RGS8: variants seen among roughly 807,000 people sequenced by gnomAD.
RGS8 encodes regulator of G-protein signaling 8.
Under a neutral mutation model 21.7 loss-of-function variants are expected in RGS8, and 8 were observed. The ratio of observed to expected loss-of-function variants is 0.37; its 90% CI spans 0.22 to 0.66. RGS8 has a LOEUF of 0.66. Among genes scored for constraint, RGS8 ranks in the 30% least tolerant of loss-of-function variants. The pLI is 0.59. For missense variants in RGS8, 157 were observed against 217.9 expected, an observed-to-expected ratio of 0.72 and a Z score of 1.76; for synonymous variants, 80 against 83.6, an observed-to-expected ratio of 0.96 and a Z score of 0.24.
the RGS8 span, among the ~76,000 whole-genome samples, chr1:182,750,769 GAC>G: frequency 1.1e-4 from 3 of 28,402 alleles, no homozygotes; most frequent in Admixed American, 9.3e-4. Context: ...TTACTATCTA[GAC>G]TCTAGATACT....
chr1:182,648,516 C>T (rs1186680279), intron 5 of RGS8, among the ~76,000 whole-genome samples: 1 of 152,036 alleles, frequency 6.6e-6, no homozygotes, highest in Non-Finnish European at 1.5e-5. Flanking sequence ...GGTGGATCAC[C>T]TGAGGTCATG....
At chr1:182,673,978 G>A (rs1391928666), upstream of RGS8, among the ~76,000 whole-genome samples, 1 of 152,178 alleles carries the variant, frequency 6.6e-6, no homozygotes, top group Non-Finnish European at 1.5e-5. Context: ...AATTTACAAA[G>A]CCAACACCTT....
At chr1:182,667,399 G>T (rs1225958948) in intron 3 of RGS8, among the ~76,000 whole-genome samples, 1 of 152,252 alleles carries the variant, frequency 6.6e-6, no homozygotes, top group Non-Finnish European at 1.5e-5. Context: ...ACCAGGAGCA[G>T]AGGGATGTTT....
the RGS8 span, among the ~76,000 whole-genome samples, chr1:182,705,794 G>A: frequency 2.0e-5 from 3 of 152,080 alleles, no homozygotes; most frequent in African/African-American, 7.2e-5. Flanking sequence ...TCCAGAAATG[G>A]CGTTTGTGCC....
chr1:182,707,551 T>C, the RGS8 span, among the ~76,000 whole-genome samples: 2 of 152,172 alleles, frequency 1.3e-5, no homozygotes, highest in African/African-American at 2.4e-5. Flanking sequence ...ATCATTCCAA[T>C]AACCCGCTAA....
upstream of RGS8, among the ~76,000 whole-genome samples, chr1:182,687,277 A>C (rs1664733048): frequency 6.6e-6 from 1 of 152,082 alleles, no homozygotes; most frequent in Non-Finnish European, 1.5e-5. Flanking sequence ...CTGGCCCCTC[A>C]AGGGATCCTT....
chr1:182,669,751 AC>A lies in RGS8; in HGVS notation c.-103del. The A allele has an allele frequency of 6.3e-7, 1 of 1,586,728 alleles. No individual in the cohort carries two copies. Among genetic ancestry groups the A allele is most frequent in the Non-Finnish European group, 8.6e-7 (1 of 1,164,556 alleles). ...GGAATTTACCCTTGCACGTCCTCTC[AC>A]CTAAAATCAAAGAATCTGCTGTAAG... is the stretch of plus-strand genomic sequence containing the variant. On this transcript the variant is annotated splice_region_variant and 5_prime_UTR_variant, in exon 3 of 7. It adds an upstream start codon to the 5' untranslated region. Coordinates refer to ENST00000483095, the Ensembl canonical transcript of RGS8.
intron 5 of RGS8, among the ~76,000 whole-genome samples, chr1:182,655,466 A>G (rs535629365): frequency 1.3e-5 from 2 of 152,356 alleles, no homozygotes; most frequent in South Asian, 4.1e-4. Context: ...TTACACCATA[A>G]GCAGTTAAGG....
the RGS8 span, among the ~76,000 whole-genome samples, chr1:182,693,791 A>G: frequency 6.6e-6 from 1 of 152,258 alleles, no homozygotes; most frequent in Non-Finnish European, 1.5e-5. Flanking sequence ...CTACACAGCT[A>G]TTAAAAAATG....
At chr1:182,669,803 GCACTA>G in intron 2 of RGS8, 51 bp from the exon 4 acceptor site, 5 of 1,485,762 alleles carry the variant, frequency 3.4e-6, no homozygotes, top group Non-Finnish European at 4.5e-6. Context: ...TCATCTGACT[GCACTA>G]CATTTCCTCT....
the RGS8 span, among the ~76,000 whole-genome samples, chr1:182,747,041 G>GTT: frequency 3.8e-5 from 1 of 26,194 alleles, no homozygotes; most frequent in African/African-American, 8.2e-5. Flanking sequence ...AACACTGCTG[G>GTT]TCTTTTTTTT....
At chr1:182,688,023 T>C (rs970098648), upstream of RGS8, among the ~76,000 whole-genome samples, 1 of 152,236 alleles carries the variant, frequency 6.6e-6, no homozygotes, top group African/African-American at 2.4e-5. Context: ...TTAAACTGCG[T>C]ATGTCCTATT....
intron 5 of RGS8, among the ~76,000 whole-genome samples, chr1:182,652,878 G>A (rs1663089581): frequency 1.3e-5 from 2 of 152,176 alleles, no homozygotes; most frequent in South Asian, 4.1e-4. Context: ...GCAAGGGAAG[G>A]AAGGAGAGGA....
chr1:182,718,863 C>T, the RGS8 span, among the ~76,000 whole-genome samples: 1 of 152,166 alleles, frequency 6.6e-6, no homozygotes, highest in African/African-American at 2.4e-5. Context: ...CCAATCTCAA[C>T]AAATTGACAA....
chr1:182,720,988 T>C, the RGS8 span, among the ~76,000 whole-genome samples: 1,464 of 81,788 alleles, frequency 0.018, 57 homozygotes, highest in Non-Finnish European at 0.023. Flanking sequence ...TATATACACA[T>C]ATATATGTGT....
At chr1:182,646,952 C>A in intron 6 of RGS8, 35 bp from the exon 8 acceptor site, 2 of 1,575,642 alleles carry the variant, frequency 1.3e-6, no homozygotes, top group Non-Finnish European at 1.7e-6. Context: ...GTCACAGGCC[C>A]TCAAGGGCCA....
upstream of RGS8, among the ~76,000 whole-genome samples, chr1:182,685,016 G>A (rs1356344776): frequency 6.6e-6 from 1 of 151,666 alleles, no homozygotes; most frequent in South Asian, 2.1e-4. Context: ...TAACCAACAA[G>A]GCCACTTTTG....
chr1:182,725,336 A>G, the RGS8 span, among the ~76,000 whole-genome samples: 1 of 152,220 alleles, frequency 6.6e-6, no homozygotes, highest in Non-Finnish European at 1.5e-5. Context: ...ACCCCTAAAT[A>G]TAACAGATGC....
At position 182,684,069 on chromosome 1, in the gene RGS8, C is replaced by T. The variant is rs1190407915; in HGVS notation, n.221+287G>A. Among the ~76,000 whole-genome samples the T allele has an allele frequency of 6.6e-6, 1 of 152,094 alleles. No individual in the cohort carries two copies. The highest frequency in any genetic ancestry group is 1.5e-5 in the Non-Finnish European group (1 of 68,008). On this transcript the variant is annotated intron_variant and non_coding_transcript_variant, in intron 1 of 4. Transcript: ENST00000515211. This position sits in a 1 kb window ranked among gnomAD's most constrained non-coding sequence, Gnocchi z 4.2. ...TGAGGAGAAAGCAGGTGTTAGGGGA[C>T]CTGAGGAGTTAGGGTTGAGGAAGGA...
Sources: allele counts gnomAD v4.1 joint callset (sites outside exome capture counted in the v4.1 genomes callset), GRCh38; gene constraint gnomAD v4.1.1; non-coding constraint Gnocchi (gnomAD v3.1); transcripts MANE v1.5; gene names NCBI Gene and HGNC (gene_info 2026-07-23, HGNC 2026-07-21).